The following FUT9 variants were observed in gnomAD, a reference collection of about 807,000 sequenced individuals.
FUT9 encodes the protein fucosyltransferase 9.
In FUT9, 15 loss-of-function variants were observed where a neutral mutation model predicts 29.7. The ratio of observed to expected loss-of-function variants is 0.51; its 90% CI spans 0.34 to 0.78. The LOEUF is 0.78. Among genes scored for constraint, FUT9 ranks in the 30% least tolerant of loss-of-function variants. The probability of loss-of-function intolerance (pLI) is 0.01; values close to 1 mark genes in which losing one functional copy is unlikely to be tolerated. For missense variants in FUT9, 319 were observed against 425.4 expected (o/e 0.75, Z 2.20); for synonymous variants, 169 against 153.7 (o/e 1.10, Z -0.74).
intron 2 of FUT9, among the ~76,000 whole-genome samples, chr6:96,120,210 G>C (rs1368609004): frequency 6.9e-6 from 1 of 144,700 alleles, no homozygotes. Context: ...TTTTGTTTTT[G>C]TTTAAAAGAC....
chr6:96,087,592 CTTGACCTCAT>C (rs1470654513), intron 1 of FUT9, among the ~76,000 whole-genome samples: 2 of 152,036 alleles, frequency 1.3e-5, no homozygotes, highest in African/African-American at 4.8e-5. Context: ...GTCTCGATCT[CTTGACCTCAT>C]GATCCGCCCA....
At chr6:96,113,105 T>C (rs2127961482) in intron 1 of FUT9, among the ~76,000 whole-genome samples, 1 of 152,342 alleles carries the variant, frequency 6.6e-6, no homozygotes, top group Non-Finnish European at 1.5e-5. Flanking sequence ...CAATTTATTC[T>C]GTAAATGGGA....
chr6:96,113,248 C>T (rs1456654157), intron 1 of FUT9, among the ~76,000 whole-genome samples: 1 of 151,672 alleles, frequency 6.6e-6, no homozygotes, highest in African/African-American at 2.4e-5. Context: ...TATTCAATAA[C>T]TTTTTTTTGA....
chr6:96,166,675 G>T (rs916695901), intron 2 of FUT9, among the ~76,000 whole-genome samples: 2 of 151,966 alleles, frequency 1.3e-5, no homozygotes, highest in African/African-American at 4.8e-5. Context: ...AATGTATGTC[G>T]CACTACATAG....
intron 1 of FUT9, among the ~76,000 whole-genome samples, chr6:96,021,929 A>G (rs1009167062): frequency 6.6e-6 from 1 of 152,042 alleles, no homozygotes; most frequent in Non-Finnish European, 1.5e-5. Flanking sequence ...ATTTATGTTC[A>G]ATATTGGTTT....
chr6:96,095,451 CCTGT>C (rs1249023763), intron 1 of FUT9, among the ~76,000 whole-genome samples: 4 of 152,120 alleles, frequency 2.6e-5, no homozygotes, highest in Admixed American at 6.6e-5. Flanking sequence ...CATAGCTTTT[CCTGT>C]CTAACATACC....
rs547834839 is a variant in FUT9 at position 96,209,946 on chromosome 6, A to G, written c.*5711A>G. The G allele has an allele frequency of 1.2e-5, 2 of 166,872 alleles. No homozygotes were observed. The highest frequency in any genetic ancestry group is 4.8e-5 in the African/African-American group (2 of 41,440). 10.3% of individuals were successfully genotyped at this position (166,872 alleles called of 1,614,324 possible). A position where few individuals can be genotyped will look rare whatever the true frequency, so the allele number is the denominator to read the frequency against. ...TTTCCAAAATTATCCTGTTTCTGCT[A>G]TAACTGGTGAACCATCCTGTCCTAA... On this transcript the variant is annotated 3_prime_UTR_variant, in exon 3 of 3. Coordinates refer to ENST00000302103, the MANE Select transcript of FUT9 (RefSeq NM_006581.4).
At chr6:96,135,629 GA>G (rs939064574) in intron 2 of FUT9, among the ~76,000 whole-genome samples, 10 of 151,420 alleles carry the variant, frequency 6.6e-5, no homozygotes, top group African/African-American at 9.7e-5. Context: ...CCAGTTTCAG[GA>G]AAAAAAAGGT....
chr6:96,062,009 G>A (rs985200118), intron 1 of FUT9, among the ~76,000 whole-genome samples: 2 of 151,922 alleles, frequency 1.3e-5, no homozygotes, highest in Admixed American at 6.6e-5. Flanking sequence ...CCATGGATTG[G>A]CTTAATTAAC....
rs979879947 is a variant in FUT9 at position 96,215,389 on chromosome 6, A to G, written c.*11154A>G. 1 of 166,884 alleles carries G rather than the reference A, an allele frequency of 6.0e-6. No individual in the cohort carries two copies. Among genetic ancestry groups the G allele is most frequent in the African/African-American group, 2.4e-5 (1 of 41,454 alleles). 10.3% of individuals were successfully genotyped at this position (166,884 alleles called of 1,614,324 possible). ...TCAGCAATTAATAGTGATTTCAGCAATATGTACTAAGATTCCAAGGCAGAA... is the reference window on the plus strand; with the variant it reads ...TCAGCAATTAATAGTGATTTCAGCAGTATGTACTAAGATTCCAAGGCAGAA... On this transcript the variant is annotated 3_prime_UTR_variant, in exon 3 of 3. Transcript: ENST00000302103.
chr6:96,181,638 C>T (rs971106176), intron 2 of FUT9, among the ~76,000 whole-genome samples: 1 of 151,852 alleles, frequency 6.6e-6, no homozygotes, highest in South Asian at 2.1e-4. Flanking sequence ...CCTTTGCATC[C>T]TCATATTTTA....
chr6:96,096,205 C>T (rs140083048), intron 1 of FUT9, among the ~76,000 whole-genome samples: 52 of 152,164 alleles, frequency 3.4e-4, no homozygotes, highest in African/African-American at 1.1e-3. Context: ...CAAAAAGACT[C>T]GGATGCTTCC....
chr6:96,060,360 A>G (rs1770851288), intron 1 of FUT9, among the ~76,000 whole-genome samples: 1 of 152,238 alleles, frequency 6.6e-6, no homozygotes, highest in South Asian at 2.1e-4. Flanking sequence ...TTAATTATAC[A>G]GCATAAAACA....
intron 1 of FUT9, 96 bp downstream of exon 1, chr6:96,016,308 ATT>A (rs1383018354): frequency 1.3e-5 from 2 of 152,310 alleles, no homozygotes; most frequent in Admixed American, 1.3e-4. Context: ...AGCTGCTGTG[ATT>A]CCCCGTCCTC....
intron 2 of FUT9, among the ~76,000 whole-genome samples, chr6:96,163,913 C>T (rs1772960299): frequency 6.6e-6 from 1 of 152,150 alleles, no homozygotes; most frequent in Non-Finnish European, 1.5e-5. Context: ...TGAGACAAAT[C>T]TCGATCAATT....
intron 2 of FUT9, among the ~76,000 whole-genome samples, chr6:96,125,037 C>A (rs1772107448): frequency 6.6e-6 from 1 of 152,116 alleles, no homozygotes; most frequent in Non-Finnish European, 1.5e-5. Context: ...CTATTTTTAC[C>A]ATTTGCTGGC....
At chr6:96,168,270 G>C (rs1773050299) in intron 2 of FUT9, among the ~76,000 whole-genome samples, 1 of 152,164 alleles carries the variant, frequency 6.6e-6, no homozygotes, top group Non-Finnish European at 1.5e-5. Context: ...TAGAGTTCAG[G>C]AGTGATCTGC....
Position 96,205,577 on chromosome 6 carries a change from C to T in FUT9, c.*1342C>T, listed in dbSNP as rs1336345391. On this transcript the variant is annotated 3_prime_UTR_variant, in exon 3 of 3. Transcript: ENST00000302103. Reference sequence around the variant, plus strand: ...GAGTATATTCCTGAACTTGCAGCTGCCTATAGCATTCTCCTCCATAAGGCT... The same window carrying T: ...GAGTATATTCCTGAACTTGCAGCTGTCTATAGCATTCTCCTCCATAAGGCT... 1.2e-5 allele frequency: 2 copies of T among 166,916 alleles called. No homozygotes were observed. Among genetic ancestry groups the T allele is most frequent in the African/African-American group, 4.8e-5 (2 of 41,400 alleles). 10.3% of individuals were successfully genotyped at this position (166,916 alleles called of 1,614,324 possible).
At chr6:96,098,775 T>C (rs1045586459) in intron 1 of FUT9, among the ~76,000 whole-genome samples, 2 of 152,152 alleles carry the variant, frequency 1.3e-5, no homozygotes, top group African/African-American at 2.4e-5. Context: ...TGCTTAACTA[T>C]TCAACCCACA....
Sources: allele counts gnomAD v4.1 joint callset (sites outside exome capture counted in the v4.1 genomes callset), GRCh38; gene constraint gnomAD v4.1.1; transcripts MANE v1.5; gene names NCBI Gene and HGNC (gene_info 2026-07-23, HGNC 2026-07-21).